Variants in RHCE observed in about 807,000 individuals in gnomAD.
RHCE encodes the protein Rh blood group CcEe antigens.
In RHCE, 22 loss-of-function variants were observed where a neutral mutation model predicts 43.8. The observed-to-expected ratio is 0.50, with a 90% CI of 0.36 to 0.72. The LOEUF (loss-of-function observed/expected upper bound fraction) is 0.72, where lower values mean the gene tolerates loss of function less well. Among genes scored for constraint, RHCE ranks in the 30% least tolerant of loss-of-function variants. The pLI, the probability that RHCE is intolerant of heterozygous loss-of-function variation, is 0.00. For missense variants in RHCE, 385 were observed against 525.4 expected, an observed-to-expected ratio of 0.73 and a Z score of 2.61; for synonymous variants, 156 against 210.7, an observed-to-expected ratio of 0.74 and a Z score of 2.25.
intron 7 of RHCE, among the ~76,000 whole-genome samples, chr1:25,380,906 T>TG (rs1391310045): frequency 6.7e-6 from 1 of 148,164 alleles, no homozygotes; most frequent in Non-Finnish European, 1.5e-5. Context: ...TTCCTTTTTT[T>TG]TTTTTTTTTT....
chr1:25,427,694 A>ACTCTACC (rs2042816244), intron 2 of RHCE, among the ~76,000 whole-genome samples: 1 of 152,024 alleles, frequency 6.6e-6, no homozygotes, highest in African/African-American at 2.4e-5. Context: ...TCTCACCCCA[A>ACTCTACC]CTCTACCCAT....
At chr1:25,392,859 G>A (rs1265281275) in intron 3 of RHCE, among the ~76,000 whole-genome samples, 2 of 152,004 alleles carry the variant, frequency 1.3e-5, no homozygotes, top group East Asian at 1.9e-4. Context: ...CACCACGCCC[G>A]GCCTATCAGT....
intron 9 of RHCE, among the ~76,000 whole-genome samples, chr1:25,369,040 C>T (rs1381006438): frequency 2.6e-5 from 4 of 151,762 alleles, no homozygotes; most frequent in South Asian, 2.1e-4. Context: ...GGATTACAGG[C>T]GTGAGCCACC....
At chr1:25,389,352 G>A (rs915259212) in intron 5 of RHCE, among the ~76,000 whole-genome samples, 2 of 152,116 alleles carry the variant, frequency 1.3e-5, no homozygotes, top group Non-Finnish European at 2.9e-5. Context: ...CAGCATTTAG[G>A]GAATGAGCTG....
intron 4 of RHCE, 110 bp from the exon 5 acceptor site, chr1:25,391,025 CTTAGAG>C: frequency 1.3e-6 from 2 of 1,491,622 alleles, no homozygotes; most frequent in Non-Finnish European, 1.9e-6. Flanking sequence ...AGCCTTGTCA[CTTAGAG>C]TTAGATGGGG....
chr1:25,394,618 T>C (rs1298078779), intron 3 of RHCE, among the ~76,000 whole-genome samples: 5 of 152,236 alleles, frequency 3.3e-5, no homozygotes, highest in Admixed American at 1.3e-4. Context: ...CTGGAACAGA[T>C]GTTCCACGAG....
chr1:25,422,125 G>A (rs1250625472), upstream of RHCE, among the ~76,000 whole-genome samples: 7 of 152,158 alleles, frequency 4.6e-5, no homozygotes, highest in East Asian at 1.2e-3. Flanking sequence ...CATACCTAAG[G>A]TCATCTAGTC....
At chr1:25,429,232 T>G in intron 1 of RHCE, among the ~76,000 whole-genome samples, 1 of 146,742 alleles carries the variant, frequency 6.8e-6, no homozygotes, top group Non-Finnish European at 1.5e-5. Flanking sequence ...TTTTTTTTTT[T>G]TTTTTTTTTT....
intron 2 of RHCE, among the ~76,000 whole-genome samples, chr1:25,404,134 C>T (rs149593606): frequency 0.049 from 7,188 of 145,572 alleles, 558 homozygotes; most frequent in African/African-American, 0.17. Context: ...CACCACTGCA[C>T]TCCAGCCTGG....
At chr1:25,405,532 A>G (rs1355638395) in intron 2 of RHCE, among the ~76,000 whole-genome samples, 1 of 150,874 alleles carries the variant, frequency 6.6e-6, no homozygotes, top group African/African-American at 2.4e-5. Context: ...AGGCGTCTGT[A>G]AAAAAATTTA....
chr1:25,399,511 G>A (rs1289799874), intron 3 of RHCE, among the ~76,000 whole-genome samples: 1 of 152,032 alleles, frequency 6.6e-6, no homozygotes, highest in Non-Finnish European at 1.5e-5. Flanking sequence ...ATCTCTTAAA[G>A]AGAATCCAGC....
intron 2 of RHCE, among the ~76,000 whole-genome samples, chr1:25,406,201 A>T (rs1646908900): frequency 8.4e-6 from 1 of 118,886 alleles, no homozygotes; most frequent in Admixed American, 9.2e-5. Context: ...GCCCTTTGTC[A>T]CTTTCCAGGT....
chr1:25,369,525 C>CTTCT (rs1172392735), intron 9 of RHCE, among the ~76,000 whole-genome samples: 5 of 151,298 alleles, frequency 3.3e-5, no homozygotes, highest in Admixed American at 6.6e-5. Context: ...GAGCTCCAAC[C>CTTCT]TTCTTCACCT....
At chr1:25,413,172 T>C (rs1201027270) in intron 1 of RHCE, among the ~76,000 whole-genome samples, 5 of 152,218 alleles carry the variant, frequency 3.3e-5, no homozygotes, top group Admixed American at 1.3e-4. Flanking sequence ...GAGAGAGGAA[T>C]TGTGCCTCAG....
chr1:25,401,196 G>A (rs586419), intron 3 of RHCE, among the ~76,000 whole-genome samples: 5 of 152,074 alleles, frequency 3.3e-5, no homozygotes, highest in East Asian at 1.9e-4. Flanking sequence ...TTTTGTAAAC[G>A]TGCATCATTT....
chr1:25,420,216 A>G (rs1413402424), intron 1 of RHCE, among the ~76,000 whole-genome samples: 1 of 152,108 alleles, frequency 6.6e-6, no homozygotes, highest in Non-Finnish European at 1.5e-5. Context: ...AGGCCACAAA[A>G]AGGAAACAAA....
intron 7 of RHCE, among the ~76,000 whole-genome samples, chr1:25,378,639 T>C (rs1223471936): frequency 1.3e-5 from 2 of 152,220 alleles, no homozygotes; most frequent in East Asian, 3.9e-4. Flanking sequence ...TTCCAACATA[T>C]GTGTTTTCAC....
intron 3 of RHCE, among the ~76,000 whole-genome samples, chr1:25,400,282 C>T (rs1337415969): frequency 1.3e-5 from 2 of 152,234 alleles, no homozygotes; most frequent in Non-Finnish European, 2.9e-5. Flanking sequence ...TTGCCTTCAT[C>T]CTCCTCTACA....
chr1:25,394,208 C>T (rs1441403116), intron 3 of RHCE, among the ~76,000 whole-genome samples: 4 of 152,000 alleles, frequency 2.6e-5, no homozygotes, highest in East Asian at 1.9e-4. Context: ...AGCCTGGTCT[C>T]GAACTCCTGA....
Sources: gnomAD v4.1 joint callset for allele counts (sites outside exome capture counted in the v4.1 genomes callset) on GRCh38, gnomAD v4.1.1 for gene constraint, MANE v1.5 for transcripts, NCBI Gene and HGNC (gene_info 2026-07-23, HGNC 2026-07-21) for gene names.